The following GAD1 variants were observed in gnomAD, a reference collection of about 807,000 sequenced individuals.
The protein encoded by GAD1 is glutamate decarboxylase 1, also known as 67 kDa glutamic acid decarboxylase.
GAD1 carries 35 observed loss-of-function variants against 75.2 expected under a neutral mutation model. That is an observed-to-expected ratio of 0.47 (90% CI 0.36 to 0.62). The LOEUF is 0.62. Among genes scored for constraint, GAD1 ranks in the 20% least tolerant of loss-of-function variants. The pLI, the probability that GAD1 is intolerant of heterozygous loss-of-function variation, is 0.00. For missense variants in GAD1, 490 were observed against 758.5 expected, an observed-to-expected ratio of 0.65 and a Z score of 4.16; for synonymous variants, 257 against 271.9, an observed-to-expected ratio of 0.95 and a Z score of 0.54.
At position 170,831,170 on chromosome 2, in the gene GAD1, C is replaced by T. The variant is rs143668912; in HGVS notation, c.525C>T (p.Thr175=). The T allele has an allele frequency of 1.9e-6, 3 of 1,614,032 alleles. No individual in the cohort carries two copies. The highest frequency in any genetic ancestry group is 1.3e-5 in the African/African-American group (1 of 74,900). Reference sequence around the variant, plus strand: ...AGATCCTGGTTGACTGCAGAGACACCTTGAAGTATGGGGTTCGCACAGGTA... The same window carrying T: ...AGATCCTGGTTGACTGCAGAGACACTTTGAAGTATGGGGTTCGCACAGGTA... The part of the protein sequence containing the change: ...LEQILVDCRD[T]LKYGVRTGHP... The change falls in exon 5 of 17, where the codon ACC becomes ACT. Residue 175 remains threonine, a synonymous_variant. Coordinates refer to ENST00000358196, the MANE Select transcript of GAD1 (RefSeq NM_000817.3).
chr2:170,851,216 T>C (rs909618383), intron 12 of GAD1, among the ~76,000 whole-genome samples: 2 of 152,222 alleles, frequency 1.3e-5, no homozygotes, highest in African/African-American at 2.4e-5. Context: ...TTTCCTTTTG[T>C]AGCAGCAAAG....
rs1701784026 is a variant in GAD1 at position 170,818,816 on chromosome 2, C to G, written c.82+143C>G. ...AAATAAATGGGGCTCTGACCCCGTC[C>G]CTGCCAGAGGTCATTCGGCTGTCAG... On this transcript the variant is annotated intron_variant, in intron 2 of 16. Coordinates refer to ENST00000358196, the MANE Select transcript of GAD1 (RefSeq NM_000817.3). The surrounding 1 kb of genome is among the most constrained non-coding windows in gnomAD (Gnocchi z 5.9). 2 of 823,010 alleles carry G rather than the reference C, an allele frequency of 2.4e-6. No individual in the cohort carries two copies. Among genetic ancestry groups the G allele is most frequent in the Admixed American group, 4.0e-5 (2 of 49,962 alleles). 51.0% of individuals were successfully genotyped at this position (823,010 alleles called of 1,614,324 possible).
At chr2:170,829,092 T>C (rs1318392764) in intron 3 of GAD1, 1 of 338,622 alleles carries the variant, frequency 3.0e-6, no homozygotes, top group South Asian at 2.5e-5. Flanking sequence ...CTTCTGCTTA[T>C]ACAGCCCATA....
chr2:170,859,976 T>C lies in GAD1; in HGVS notation c.*94T>C. 9.1e-7 allele frequency: 1 copy of C among 1,094,756 alleles called. No individual in the cohort carries two copies. The highest frequency in any genetic ancestry group is 1.9e-5 in the Admixed American group (1 of 51,516). 67.8% of individuals were successfully genotyped at this position (1,094,756 alleles called of 1,614,324 possible). On this transcript the variant is annotated 3_prime_UTR_variant, in exon 17 of 17. Transcript: ENST00000358196. ...ATGTTGCTGAAACACACAGGCCATTTCATTGAGGGAAAACATAATATCTTG... is the reference window on the plus strand; with the variant it reads ...ATGTTGCTGAAACACACAGGCCATTCCATTGAGGGAAAACATAATATCTTG...
At chr2:170,836,633 G>A (rs1423626810) in intron 5 of GAD1, among the ~76,000 whole-genome samples, 160 bp from the exon 6 acceptor site, 2 of 152,170 alleles carry the variant, frequency 1.3e-5, no homozygotes, top group Non-Finnish European at 2.9e-5. Context: ...TATAGGGTGG[G>A]TCAACCTGCC....
At chr2:170,839,801 G>A (rs1191341919) in intron 6 of GAD1, among the ~76,000 whole-genome samples, 3 of 152,168 alleles carry the variant, frequency 2.0e-5, no homozygotes, top group Admixed American at 1.3e-4. Context: ...TGCGCAGGTA[G>A]GGCCCGAGTG....
chr2:170,854,689 G>A (rs1392985149), intron 14 of GAD1, among the ~76,000 whole-genome samples: 3 of 152,254 alleles, frequency 2.0e-5, no homozygotes, highest in Non-Finnish European at 2.9e-5. Flanking sequence ...ACAGGCGTGA[G>A]CCACCGCGCC....
At chr2:170,820,255 C>T (rs45576034) in intron 2 of GAD1, among the ~76,000 whole-genome samples, 3,328 of 152,230 alleles carry the variant, frequency 0.022, 66 homozygotes, top group African/African-American at 0.047. Flanking sequence ...GGCCGCCAGT[C>T]GCCGGCGCAA....
At chr2:170,828,617 TTG>T (rs1702114513) in intron 3 of GAD1, among the ~76,000 whole-genome samples, 1 of 117,172 alleles carries the variant, frequency 8.5e-6, no homozygotes, top group Non-Finnish European at 1.8e-5. Flanking sequence ...TCTGTTGTCC[TTG>T]CCCTCCTCCC....
At chr2:170,844,439 C>T (rs1441033216) in intron 7 of GAD1, among the ~76,000 whole-genome samples, 1 of 135,752 alleles carries the variant, frequency 7.4e-6, no homozygotes, top group Non-Finnish European at 1.5e-5. Context: ...GACAGGGTCT[C>T]ACTCTGTCAT....
upstream of GAD1, chr2:170,816,594 C>T (rs1341113130): frequency 6.6e-6 from 1 of 151,808 alleles, no homozygotes; most frequent in African/African-American, 2.4e-5. Flanking sequence ...TTTCCCTCCT[C>T]TCACCCGACA....
chr2:170,840,696 A>T (rs990024472), intron 6 of GAD1, among the ~76,000 whole-genome samples: 7 of 136,796 alleles, frequency 5.1e-5, no homozygotes, highest in African/African-American at 1.5e-4. Context: ...GGCAAAAGAG[A>T]CATACTCCTC....
intron 6 of GAD1, among the ~76,000 whole-genome samples, chr2:170,840,658 AAGGG>A (rs766374558): frequency 5.2e-5 from 4 of 77,312 alleles, no homozygotes; most frequent in Non-Finnish European, 5.3e-5. Flanking sequence ...GGAGGTAGGG[AAGGG>A]AGGGAGGGAG....
chr2:170,846,759 A>G (rs913808214), intron 10 of GAD1, among the ~76,000 whole-genome samples: 4 of 152,204 alleles, frequency 2.6e-5, no homozygotes, highest in Admixed American at 2.6e-4. Context: ...TAATCCCAGC[A>G]CTTTGGGAGG....
intron 3 of GAD1, chr2:170,829,185 C>G (rs907390351): frequency 4.4e-6 from 2 of 457,302 alleles, no homozygotes; most frequent in African/African-American, 2.0e-5. Flanking sequence ...TGGAAGCTGT[C>G]CAACTTACTT....
intron 6 of GAD1, among the ~76,000 whole-genome samples, chr2:170,841,017 A>T (rs1702505199): frequency 6.6e-6 from 1 of 152,158 alleles, no homozygotes; most frequent in Non-Finnish European, 1.5e-5. Flanking sequence ...CCCTACTCGG[A>T]ATATAGACAT....
intron 5 of GAD1, 51 bp from the exon 6 acceptor site, chr2:170,836,742 A>G: frequency 7.3e-7 from 1 of 1,366,030 alleles, no homozygotes. Context: ...TGCCTTCAAG[A>G]TAGGTTGAGA....
chr2:170,855,872 C>CAAAAAAAAAAAAAAAAAAAAAAAA (rs71008727), intron 14 of GAD1, among the ~76,000 whole-genome samples: 1 of 111,674 alleles, frequency 9.0e-6, no homozygotes. Flanking sequence ...GACTCCATCT[C>CAAAAAAAAAAAAAAAAAAAAAAAA]AAAAAAAAAA....
At chr2:170,859,030 G>C (rs1702909620) in intron 16 of GAD1, 137 bp downstream of exon 16, 5 of 771,654 alleles carry the variant, frequency 6.5e-6, no homozygotes. Context: ...TAATGGGGTG[G>C]TGGGGAGCCA....
Sources: gnomAD v4.1 joint callset for allele counts (sites outside exome capture counted in the v4.1 genomes callset) on GRCh38, gnomAD v4.1.1 for gene constraint, Gnocchi (gnomAD v3.1) non-coding constraint, MANE v1.5 for transcripts, NCBI Gene and HGNC (gene_info 2026-07-23, HGNC 2026-07-21) for gene names.